Variants in SNTB1 observed in about 807,000 individuals in gnomAD.
SNTB1 encodes the protein beta-1-syntrophin.
Under a neutral mutation model 48.9 loss-of-function variants are expected in SNTB1, and 36 were observed. That is an observed-to-expected ratio of 0.74 (90% CI 0.56 to 0.97). SNTB1 has a LOEUF of 0.97. Ranked by LOEUF, SNTB1 falls within the 50% of genes least tolerant of loss-of-function variation. The probability of loss-of-function intolerance (pLI) is 0.00; values close to 1 mark genes in which losing one functional copy is unlikely to be tolerated. For synonymous variants in SNTB1, 299 were observed against 294.6 expected, an observed-to-expected ratio of 1.01 and a Z score of -0.15; for missense variants, 786 against 703.4, an observed-to-expected ratio of 1.12 and a Z score of -1.33.
intron 1 of SNTB1, among the ~76,000 whole-genome samples, chr8:120,731,682 TGA>T (rs1273287423): frequency 6.6e-6 from 1 of 152,176 alleles, no homozygotes. Context: ...TGGGGCTCAC[TGA>T]GAGAAGACTG....
Position 120,537,779 on chromosome 8 carries a change from G to A in SNTB1, c.*1098C>T, listed in dbSNP as rs1047744149. ...AAATATTCCTGTAGAAAGATATCAG[G>A]TCGTTATATTATTTCCCTGGAATTC... On this transcript the variant is annotated 3_prime_UTR_variant, in exon 7 of 7. Coordinates refer to ENST00000517992, the MANE Select transcript of SNTB1 (RefSeq NM_021021.4). 3.3e-5 allele frequency: 5 copies of A among 152,164 alleles called. No homozygotes were observed. Among genetic ancestry groups the A allele is most frequent in the Admixed American group, 2.6e-4 (4 of 15,276 alleles). The allele number at this position is 152,164 out of a possible 1,614,324, so 9.4% of individuals were successfully genotyped here. A position where few individuals can be genotyped will look rare whatever the true frequency, so the allele number is the denominator to read the frequency against.
chr8:120,574,005 T>C (rs1306188653), intron 4 of SNTB1, among the ~76,000 whole-genome samples: 1 of 152,208 alleles, frequency 6.6e-6, no homozygotes, highest in Non-Finnish European at 1.5e-5. Flanking sequence ...AAAGAAAGTG[T>C]GGTATTTACA....
chr8:120,607,064 G>A (rs1404913088), intron 3 of SNTB1, among the ~76,000 whole-genome samples: 2 of 151,998 alleles, frequency 1.3e-5, no homozygotes, highest in Non-Finnish European at 2.9e-5. Context: ...CATAAATAAA[G>A]GAATCCAACA....
At chr8:120,811,186 C>A in intron 1 of SNTB1, 87 bp downstream of exon 1, 1 of 1,493,532 alleles carries the variant, frequency 6.7e-7, no homozygotes, top group Non-Finnish European at 8.9e-7. Flanking sequence ...CGCATGTGGC[C>A]GAGTGAGTGT....
intron 2 of SNTB1, among the ~76,000 whole-genome samples, chr8:120,641,119 A>T (rs575646835): frequency 1.1e-4 from 16 of 152,230 alleles, no homozygotes; most frequent in African/African-American, 3.1e-4. Flanking sequence ...AAAAAATCTC[A>T]TGACTTTTAG....
chr8:120,636,308 T>C (rs925602904), intron 2 of SNTB1, among the ~76,000 whole-genome samples: 21 of 149,308 alleles, frequency 1.4e-4, no homozygotes, highest in Admixed American at 8.0e-4. Flanking sequence ...TAGTTACATA[T>C]GTATACATGT....
At chr8:120,788,945 T>C (rs866247705) in intron 1 of SNTB1, among the ~76,000 whole-genome samples, 8 of 152,034 alleles carry the variant, frequency 5.3e-5, no homozygotes, top group Non-Finnish European at 1.0e-4. Context: ...TACACATTCT[T>C]CTCATCAGCA....
intron 3 of SNTB1, among the ~76,000 whole-genome samples, chr8:120,615,305 A>G (rs1816695900): frequency 6.6e-6 from 1 of 152,204 alleles, no homozygotes; most frequent in South Asian, 2.1e-4. Flanking sequence ...CATTAGTATC[A>G]GAGCCAAGAA....
chr8:120,774,206 A>T (rs1819691712), intron 1 of SNTB1, among the ~76,000 whole-genome samples: 2 of 152,194 alleles, frequency 1.3e-5, no homozygotes, highest in Admixed American at 1.3e-4. Flanking sequence ...AAAGAACAGA[A>T]TGTGACCAGT....
At chr8:120,704,149 T>C (rs1009192531) in intron 1 of SNTB1, among the ~76,000 whole-genome samples, 2 of 152,254 alleles carry the variant, frequency 1.3e-5, no homozygotes, top group South Asian at 2.1e-4. Context: ...TTCGAAGTCA[T>C]GTTTCTAAAA....
At chr8:120,551,869 C>T (rs1333040755) in intron 4 of SNTB1, among the ~76,000 whole-genome samples, 1 of 151,868 alleles carries the variant, frequency 6.6e-6, no homozygotes, top group Non-Finnish European at 1.5e-5. Flanking sequence ...AAATATAATA[C>T]CTACCCCATA....
intron 1 of SNTB1, among the ~76,000 whole-genome samples, chr8:120,741,280 T>A (rs1819036259): frequency 6.6e-6 from 1 of 152,238 alleles, no homozygotes; most frequent in African/African-American, 2.4e-5. Context: ...ATTCATGTTC[T>A]ACGAATTCAG....
At chr8:120,709,635 A>G (rs1433203031) in intron 1 of SNTB1, among the ~76,000 whole-genome samples, 1 of 152,220 alleles carries the variant, frequency 6.6e-6, no homozygotes, top group Non-Finnish European at 1.5e-5. Context: ...ATGAAGACAC[A>G]GAAGTCAAAT....
chr8:120,756,597 TA>T (rs894124774), intron 1 of SNTB1, among the ~76,000 whole-genome samples: 13 of 152,090 alleles, frequency 8.5e-5, no homozygotes, highest in African/African-American at 3.1e-4. Context: ...AGTAAGAATA[TA>T]AAAACTATGT....
intron 3 of SNTB1, among the ~76,000 whole-genome samples, chr8:120,594,739 C>T (rs1191147382): frequency 1.3e-5 from 2 of 152,024 alleles, no homozygotes; most frequent in African/African-American, 2.4e-5. Flanking sequence ...TGAGTTTCCT[C>T]GTGTGTTGTT....
intron 3 of SNTB1, among the ~76,000 whole-genome samples, chr8:120,592,762 T>C (rs750414617): frequency 2.0e-5 from 3 of 152,164 alleles, no homozygotes; most frequent in Non-Finnish European, 4.4e-5. Flanking sequence ...TCATGAGGCA[T>C]ATATAAGAGC....
At chr8:120,579,706 ACAAAC>A (rs1816012880) in intron 3 of SNTB1, among the ~76,000 whole-genome samples, 1 of 151,688 alleles carries the variant, frequency 6.6e-6, no homozygotes, top group Non-Finnish European at 1.5e-5. Context: ...AAACAAACAA[ACAAAC>A]AAAAAACCTA....
intron 4 of SNTB1, among the ~76,000 whole-genome samples, chr8:120,556,051 A>G (rs924517566): frequency 2.0e-5 from 3 of 152,154 alleles, no homozygotes; most frequent in Non-Finnish European, 4.4e-5. Flanking sequence ...CTAGTAGACT[A>G]ATAAGCACCT....
At position 120,538,657 on chromosome 8, in the gene SNTB1, A is replaced by T. The variant is rs1307539694; in HGVS notation, c.*220T>A. 1 of 617,744 alleles carries T rather than the reference A, an allele frequency of 1.6e-6. No individual in the cohort carries two copies. Among genetic ancestry groups the T allele is most frequent in the Non-Finnish European group, 3.0e-6 (1 of 329,630 alleles). The allele number at this position is 617,744 out of a possible 1,614,324, so 38.3% of individuals were successfully genotyped here. A position where few individuals can be genotyped will look rare whatever the true frequency, so the allele number is the denominator to read the frequency against. On this transcript the variant is annotated 3_prime_UTR_variant, in exon 7 of 7. Transcript: ENST00000517992. Reference sequence around the variant, plus strand: ...CTCTTTAACCTTGTACTGTTCTAGAAAGTTTTACTCTGATATTTCTCATGG... The same window carrying T: ...CTCTTTAACCTTGTACTGTTCTAGATAGTTTTACTCTGATATTTCTCATGG...
Sources: gnomAD v4.1 joint callset for allele counts (sites outside exome capture counted in the v4.1 genomes callset) on GRCh38, gnomAD v4.1.1 for gene constraint, MANE v1.5 for transcripts, NCBI Gene and HGNC (gene_info 2026-07-23, HGNC 2026-07-21) for gene names.